C19orf38: variants seen among roughly 807,000 people sequenced by gnomAD.
C19orf38 encodes chromosome 19 open reading frame 38, also known as protein HIDE1.
A neutral mutation model predicts 26.6 loss-of-function variants in C19orf38; 14 were observed. That is an observed-to-expected ratio of 0.53 (90% CI 0.35 to 0.82). The LOEUF (loss-of-function observed/expected upper bound fraction) is 0.82. Ranked by LOEUF, C19orf38 falls within the 40% of genes least tolerant of loss-of-function variation. C19orf38 has a pLI of 0.01. For missense variants in C19orf38, 261 were observed against 299.5 expected, an observed-to-expected ratio of 0.87 and a Z score of 0.95; for synonymous variants, 132 against 128.5, an observed-to-expected ratio of 1.03 and a Z score of -0.18.
chr19:10,848,614 C>A, intron 1 of C19orf38, 75 bp downstream of exon 1: 1 of 1,396,798 alleles, frequency 7.2e-7, no homozygotes, highest in Non-Finnish European at 9.8e-7. Flanking sequence ...GCTCCAGGGG[C>A]AGAAACCAGT....
chr19:10,860,358 C>A (rs1355265435), intron 5 of C19orf38, among the ~76,000 whole-genome samples: 3 of 151,412 alleles, frequency 2.0e-5, no homozygotes, highest in African/African-American at 7.3e-5. Flanking sequence ...ATAGTGAAAC[C>A]CCGTCTCTAC....
In C19orf38 at chr19:10,869,628, C is replaced by T; in HGVS notation, c.*261C>T. 2.1e-6 allele frequency: 1 copy of T among 471,890 alleles called. No individual in the cohort carries two copies. The highest frequency in any genetic ancestry group is 3.6e-5 in the South Asian group (1 of 28,020). The allele number at this position is 471,890 out of a possible 1,614,324, so 29.2% of individuals were successfully genotyped here. ...ACCAGAGAAGGAGATGTCAGGACCC[C>T]TTCTTGTCCCCCAGCTGGGCCATAA... On this transcript the variant is annotated 3_prime_UTR_variant, in exon 7 of 7. Coordinates refer to ENST00000397820, the MANE Select transcript of C19orf38 (RefSeq NM_001136482.3).
chr19:10,852,258 C>G (rs2073580764), intron 2 of C19orf38, among the ~76,000 whole-genome samples: 2 of 152,132 alleles, frequency 1.3e-5, no homozygotes, highest in South Asian at 4.1e-4. Context: ...AGTCACCATG[C>G]CCAGCATGAG....
chr19:10,854,962 T>C (rs1243352161), intron 2 of C19orf38, among the ~76,000 whole-genome samples: 1 of 151,802 alleles, frequency 6.6e-6, no homozygotes, highest in Non-Finnish European at 1.5e-5. Context: ...TCCTCTTCTG[T>C]CTTATTCTCA....
intron 6 of C19orf38, among the ~76,000 whole-genome samples, chr19:10,867,641 C>CTTTTTTTTT (rs953156656): frequency 1.7e-5 from 1 of 58,840 alleles, no homozygotes; most frequent in African/African-American, 6.6e-5. Flanking sequence ...GAAGAACATT[C>CTTTTTTTTT]TTTTTTTTTT....
intron 3 of C19orf38, among the ~76,000 whole-genome samples, chr19:10,856,613 C>T (rs1036048423): frequency 1.3e-5 from 2 of 152,022 alleles, no homozygotes; most frequent in African/African-American, 4.8e-5. Context: ...AAGCAATTCT[C>T]CTGCCTCAGC....
chr19:10,858,378 T>C, intron 4 of C19orf38, 35 bp downstream of exon 4: 5 of 1,534,524 alleles, frequency 3.3e-6, no homozygotes, highest in South Asian at 1.2e-5. Context: ...AGAGGGTGGT[T>C]TGGGGAAAGA....
At position 10,859,936 on chromosome 19, in the gene C19orf38, C is replaced by G; in HGVS notation, c.483C>G (p.Ala161=). 3 of 1,551,964 alleles carry G rather than the reference C, an allele frequency of 1.9e-6. No individual in the cohort carries two copies. Among genetic ancestry groups the G allele is most frequent in the East Asian group, 4.9e-5 (2 of 40,912 alleles). Residue 161 remains alanine (A), a synonymous_variant, in exon 5 of 7, where the codon GCC becomes GCG. Coordinates refer to ENST00000397820, the MANE Select transcript of C19orf38 (RefSeq NM_001136482.3). ...QKKRDRESCW[A]QINFDSTDMS... Reference sequence around the variant, plus strand: ...GCAGAGATCGAGAATCCTGCTGGGCCCAGATTAACTTCGACAGCACAGGTC... The same window carrying G: ...GCAGAGATCGAGAATCCTGCTGGGCGCAGATTAACTTCGACAGCACAGGTC...
In C19orf38 at chr19:10,857,360, A is replaced by T. The variant is rs1305932467; in HGVS notation, c.434-956A>T. Among the ~76,000 whole-genome samples the T allele has an allele frequency of 3.4e-3, 280 of 81,990 alleles. 2 individuals carry two copies. The highest frequency in any genetic ancestry group is 0.027 in the African/African-American group (270 of 10,162). 53.8% of individuals were successfully genotyped at this position (81,990 alleles called of 152,430 possible). A position where few individuals can be genotyped will look rare whatever the true frequency, so the allele number is the denominator to read the frequency against. ...CATACATATATATATATATATATAT[A>T]TATATATTTTTTTTTTTTTTTTTTT... On this transcript the variant is annotated intron_variant, in intron 3 of 6. Transcript: ENST00000397820.
At chr19:10,866,316 G>A (rs929923054) in intron 6 of C19orf38, among the ~76,000 whole-genome samples, 5 of 149,944 alleles carry the variant, frequency 3.3e-5, no homozygotes, top group African/African-American at 7.3e-5. Context: ...TTCTCCTGCC[G>A]AGTAGCTGGG....
At chr19:10,850,114 C>G in intron 1 of C19orf38, 145 bp from the exon 2 acceptor site, 1 of 711,254 alleles carries the variant, frequency 1.4e-6, no homozygotes. Context: ...CACCATGTGC[C>G]AGGCAGTGTG....
At chr19:10,856,742 G>C (rs2073629863) in intron 3 of C19orf38, among the ~76,000 whole-genome samples, 1 of 151,816 alleles carries the variant, frequency 6.6e-6, no homozygotes. Flanking sequence ...GACCTCAGGT[G>C]ATCCGCCCAC....
At chr19:10,845,377 G>A (rs898620475), upstream of C19orf38, among the ~76,000 whole-genome samples, 1 of 152,084 alleles carries the variant, frequency 6.6e-6, no homozygotes, top group Non-Finnish European at 1.5e-5. Flanking sequence ...CCACAAAGGA[G>A]TTAAAAATCA....
At chr19:10,836,996 A>C (rs1006887596) in intron 1 of C19orf38, among the ~76,000 whole-genome samples, 11 of 152,198 alleles carry the variant, frequency 7.2e-5, no homozygotes, top group Admixed American at 3.9e-4. Flanking sequence ...AGATAAGGAC[A>C]GTGTGGGACT....
upstream of C19orf38, among the ~76,000 whole-genome samples, chr19:10,847,860 T>A (rs2073530636): frequency 6.6e-6 from 1 of 152,076 alleles, no homozygotes; most frequent in Non-Finnish European, 1.5e-5. Context: ...AACATCCCAC[T>A]GCTGTCACCC....
At chr19:10,844,834 C>T (rs1279297478), upstream of C19orf38, among the ~76,000 whole-genome samples, 11 of 124,322 alleles carry the variant, frequency 8.8e-5, no homozygotes, top group African/African-American at 1.9e-4. Flanking sequence ...GGCGACAGAG[C>T]GAGATTCCAT....
In C19orf38 at chr19:10,869,551, C is replaced by A. The variant is rs2073783695; in HGVS notation, c.*184C>A. On this transcript the variant is annotated 3_prime_UTR_variant, in exon 7 of 7. Transcript: ENST00000397820. Reference sequence around the variant, plus strand: ...AGAGGGGACACAGGCATGGGCCTGGCACTATACAGACAACAGGAAGTTCCC... The same window carrying A: ...AGAGGGGACACAGGCATGGGCCTGGAACTATACAGACAACAGGAAGTTCCC... 7.1e-6 allele frequency: 6 copies of A among 843,972 alleles called. No individual in the cohort carries two copies. Among genetic ancestry groups the A allele is most frequent in the Non-Finnish European group, 1.1e-5 (6 of 569,714 alleles). 52.3% of individuals were successfully genotyped at this position (843,972 alleles called of 1,614,324 possible).
chr19:10,861,556 G>A lies in C19orf38; in HGVS notation c.505+1598G>A, dbSNP rs149867547. Among the ~76,000 whole-genome samples the A allele has an allele frequency of 3.8e-3, 582 of 152,256 alleles. 3 individuals carry two copies. The highest frequency in any genetic ancestry group is 0.013 in the African/African-American group (532 of 41,556). ...ACCAGACTGTGTCTGGGACAAGGCAGGTGGTCCCCTGAGGAAGTGATGTTT... is the reference window on the plus strand; with the variant it reads ...ACCAGACTGTGTCTGGGACAAGGCAAGTGGTCCCCTGAGGAAGTGATGTTT... On this transcript the variant is annotated intron_variant, in intron 5 of 6. Coordinates refer to ENST00000397820, the MANE Select transcript of C19orf38 (RefSeq NM_001136482.3).
At chr19:10,840,930 C>T (rs1363352207) in intron 1 of C19orf38, among the ~76,000 whole-genome samples, 2 of 152,122 alleles carry the variant, frequency 1.3e-5, no homozygotes, top group African/African-American at 2.4e-5. Flanking sequence ...CCACTGTGAC[C>T]GGCCCTGTTT....
Sources: allele counts gnomAD v4.1 joint callset (sites outside exome capture counted in the v4.1 genomes callset), GRCh38; gene constraint gnomAD v4.1.1; transcripts MANE v1.5; gene names NCBI Gene and HGNC (gene_info 2026-07-23, HGNC 2026-07-21).